The following CNTLN variants were observed in gnomAD, a reference collection of about 807,000 sequenced individuals.
CNTLN encodes the protein centlein, centrosomal protein.
Under a neutral mutation model 180.0 loss-of-function variants are expected in CNTLN, and 212 were observed. The ratio of observed to expected loss-of-function variants is 1.18; its 90% CI spans 1.05 to 1.32. The LOEUF (loss-of-function observed/expected upper bound fraction) is 1.32. Ranked by LOEUF, CNTLN falls within the 40% of genes most tolerant of loss-of-function variation. CNTLN has a pLI of 0.00. For synonymous variants in CNTLN, 722 were observed against 563.1 expected, an observed-to-expected ratio of 1.28 and a Z score of -3.99; for missense variants, 2,095 against 1,610.9, an observed-to-expected ratio of 1.30 and a Z score of -5.14.
intron 25 of CNTLN, among the ~76,000 whole-genome samples, chr9:17,493,915 C>A (rs1032833621): frequency 6.6e-6 from 1 of 152,176 alleles, no homozygotes; most frequent in Non-Finnish European, 1.5e-5. Flanking sequence ...AGTCAGAAGA[C>A]CTGGGGTTGC....
At chr9:17,275,951 C>T (rs1052050130) in intron 6 of CNTLN, among the ~76,000 whole-genome samples, 3 of 152,062 alleles carry the variant, frequency 2.0e-5, no homozygotes, top group East Asian at 3.9e-4. Flanking sequence ...TCGACATAAA[C>T]GTAGGAGCAG....
chr9:17,236,676 A>G, intron 5 of CNTLN, 88 bp downstream of exon 5: 1 of 1,009,266 alleles, frequency 9.9e-7, no homozygotes, highest in Non-Finnish European at 1.4e-6. Context: ...TTAACAACTT[A>G]TATATTCATA....
At chr9:17,497,990 T>C (rs1833547204) in intron 25 of CNTLN, among the ~76,000 whole-genome samples, 1 of 152,160 alleles carries the variant, frequency 6.6e-6, no homozygotes, top group South Asian at 2.1e-4. Flanking sequence ...AGTCATATTT[T>C]AAGAGCAGAT....
chr9:17,370,698 G>A (rs1484621348), intron 13 of CNTLN, among the ~76,000 whole-genome samples: 6 of 152,120 alleles, frequency 3.9e-5, no homozygotes, highest in Non-Finnish European at 7.4e-5. Flanking sequence ...CTACTCTTAA[G>A]TAGAAAGACT....
At chr9:17,388,482 A>G (rs902651079) in intron 14 of CNTLN, among the ~76,000 whole-genome samples, 2 of 152,074 alleles carry the variant, frequency 1.3e-5, no homozygotes, top group African/African-American at 4.8e-5. Context: ...ATTATTTTCA[A>G]AAGGTGAAAT....
At chr9:17,298,615 G>C (rs1818122287) in intron 7 of CNTLN, 1 of 1,068,432 alleles carries the variant, frequency 9.4e-7, no homozygotes, top group African/African-American at 1.7e-5. Flanking sequence ...TTGGCATTCA[G>C]ACAGCTTCTG....
chr9:17,314,481 A>G lies in CNTLN; in HGVS notation c.1341+5229A>G, dbSNP rs139626411. On this transcript the variant is annotated intron_variant, in intron 8 of 25. Transcript: ENST00000380647. ...GGTGGCAGTGAATTGCTTTTCGGTT[A>G]TCTTAACCTTATTCAGATTGCTTAG... 4.6e-5 allele frequency among the ~76,000 whole-genome samples: 7 copies of G among 152,286 alleles called. No homozygotes were observed. The East Asian group carries it at 1.4e-3, about 29-fold the overall frequency.
intron 2 of CNTLN, among the ~76,000 whole-genome samples, chr9:17,186,785 G>T (rs533861984): frequency 6.6e-6 from 1 of 152,198 alleles, no homozygotes; most frequent in South Asian, 2.1e-4. Flanking sequence ...TATATGGATA[G>T]TTCTGATAAG....
intron 12 of CNTLN, 23 bp downstream of exon 12, chr9:17,342,467 T>C: frequency 2.5e-6 from 4 of 1,576,918 alleles, no homozygotes; most frequent in Admixed American, 2.0e-5. Context: ...TTTAACAATA[T>C]GGACTTAGAT....
In CNTLN at chr9:17,278,779, A is replaced by G. The variant is rs530057393; in HGVS notation, c.983+4913A>G. On this transcript the variant is annotated intron_variant, in intron 6 of 25. Transcript: ENST00000380647. ...AGAAGGTAAAAGAAAAAAACGTTAGACTAAAAATGCATCCCTAGAGAATTA... is the reference window on the plus strand; with the variant it reads ...AGAAGGTAAAAGAAAAAAACGTTAGGCTAAAAATGCATCCCTAGAGAATTA... 2.9e-4 allele frequency among the ~76,000 whole-genome samples: 44 copies of G among 152,308 alleles called. 1 individual carries two copies. The highest frequency in any genetic ancestry group is 1.0e-3 in the African/African-American group (43 of 41,586).
chr9:17,465,666 C>A (rs1333184460), intron 21 of CNTLN, among the ~76,000 whole-genome samples: 2 of 151,066 alleles, frequency 1.3e-5, no homozygotes, highest in African/African-American at 2.4e-5. Flanking sequence ...TCAAAACAAT[C>A]ATCTCCTGCC....
At chr9:17,471,907 T>G (rs564412924) in intron 23 of CNTLN, among the ~76,000 whole-genome samples, 1 of 152,208 alleles carries the variant, frequency 6.6e-6, no homozygotes, top group African/African-American at 2.4e-5. Context: ...ACCCAACATG[T>G]AAATACAAGG....
chr9:17,247,748 A>G (rs1825878391), intron 5 of CNTLN, among the ~76,000 whole-genome samples: 1 of 148,984 alleles, frequency 6.7e-6, no homozygotes, highest in South Asian at 2.1e-4. Context: ...TTCATTATGA[A>G]GGGAATATTG....
At chr9:17,399,758 A>G (rs1345165859) in intron 15 of CNTLN, among the ~76,000 whole-genome samples, 1 of 152,192 alleles carries the variant, frequency 6.6e-6, no homozygotes, top group Non-Finnish European at 1.5e-5. Flanking sequence ...CTCCCCTGAA[A>G]CAGATTATAA....
At chr9:17,438,934 G>T (rs957903010) in intron 18 of CNTLN, among the ~76,000 whole-genome samples, 1 of 152,244 alleles carries the variant, frequency 6.6e-6, no homozygotes, top group South Asian at 2.1e-4. Flanking sequence ...CAAGAGAAAA[G>T]AGAATCTTAG....
chr9:17,208,862 G>A (rs1823097714), intron 2 of CNTLN, among the ~76,000 whole-genome samples: 2 of 151,868 alleles, frequency 1.3e-5, no homozygotes, highest in African/African-American at 4.8e-5. Context: ...TTATTAATTA[G>A]TCTGGCTAAG....
chr9:17,167,008 G>A (rs999405508), intron 2 of CNTLN: 2 of 267,512 alleles, frequency 7.5e-6, no homozygotes, highest in Admixed American at 1.1e-4. Flanking sequence ...TCTTTAAGAA[G>A]GATGACTCTG....
At chr9:17,255,348 G>C (rs12000610) in intron 5 of CNTLN, among the ~76,000 whole-genome samples, 33,054 of 151,522 alleles carry the variant, frequency 0.22, 4,748 homozygotes, top group African/African-American at 0.41. Flanking sequence ...TTGTTATGTT[G>C]AAGTAGCTTC....
At chr9:17,253,291 T>A (rs34597155) in intron 5 of CNTLN, among the ~76,000 whole-genome samples, 34,936 of 151,674 alleles carry the variant, frequency 0.23, 4,256 homozygotes, top group South Asian at 0.37. Context: ...AATTGTTTTT[T>A]CTATTTCTGT....
Sources: allele counts gnomAD v4.1 joint callset (sites outside exome capture counted in the v4.1 genomes callset), GRCh38; gene constraint gnomAD v4.1.1; transcripts MANE v1.5; gene names NCBI Gene and HGNC (gene_info 2026-07-23, HGNC 2026-07-21).